LIPH: variants seen among roughly 807,000 people sequenced by gnomAD.
The protein encoded by LIPH is lipase member H.
Under a neutral mutation model 47.6 loss-of-function variants are expected in LIPH, and 32 were observed. The ratio of observed to expected loss-of-function variants is 0.67; its 90% CI spans 0.51 to 0.90. LIPH has a LOEUF of 0.90. Ranked by LOEUF, LIPH falls within the 40% of genes least tolerant of loss-of-function variation. The pLI is 0.00. For missense variants in LIPH, 497 were observed against 541.4 expected (o/e 0.92, Z 0.81); for synonymous variants, 190 against 195.6 (o/e 0.97, Z 0.24).
intron 8 of LIPH, among the ~76,000 whole-genome samples, chr3:185,513,752 G>A (rs926726224): frequency 7.2e-5 from 11 of 152,064 alleles, no homozygotes; most frequent in Admixed American, 5.9e-4. Context: ...TAAAAATGAA[G>A]GAAATCAGCC....
At chr3:185,532,457 G>A (rs1720361572) in intron 3 of LIPH, among the ~76,000 whole-genome samples, 1 of 151,536 alleles carries the variant, frequency 6.6e-6, no homozygotes. Flanking sequence ...AGGCTGCAGT[G>A]AGCTGCATGC....
chr3:185,517,472 A>G (rs1719766215), intron 6 of LIPH, among the ~76,000 whole-genome samples: 1 of 152,216 alleles, frequency 6.6e-6, no homozygotes, highest in South Asian at 2.1e-4. Flanking sequence ...ATTTTTCAGT[A>G]ATACATTCAT....
At chr3:185,541,080 T>C (rs1720694797) in intron 1 of LIPH, among the ~76,000 whole-genome samples, 1 of 152,244 alleles carries the variant, frequency 6.6e-6, no homozygotes, top group South Asian at 2.1e-4. Context: ...CCCCACTAAC[T>C]GGACTTCTAC....
intron 1 of LIPH, chr3:185,546,984 G>T: frequency 2.3e-6 from 1 of 437,728 alleles, no homozygotes; most frequent in South Asian, 1.7e-5. Context: ...TGTGAAAAAA[G>T]AAGACAGAAT....
chr3:185,526,617 TA>T (rs202122998), intron 4 of LIPH, among the ~76,000 whole-genome samples: 1 of 35,866 alleles, frequency 2.8e-5, no homozygotes, highest in East Asian at 1.3e-3. Flanking sequence ...AAAAATAAAA[TA>T]ATAAAATAAA....
intron 1 of LIPH, among the ~76,000 whole-genome samples, chr3:185,546,234 C>A (rs1004241902): frequency 6.6e-6 from 1 of 151,898 alleles, no homozygotes; most frequent in African/African-American, 2.4e-5. Flanking sequence ...CACCTGTAAT[C>A]CCAGCTACTC....
At chr3:185,517,243 G>A (rs747750652) in intron 6 of LIPH, 81 bp from the exon 7 acceptor site, 1 of 806,922 alleles carries the variant, frequency 1.2e-6, no homozygotes. Flanking sequence ...AGAACATTGA[G>A]TTTGACTGTA....
At chr3:185,542,947 C>T (rs1720758166) in intron 1 of LIPH, among the ~76,000 whole-genome samples, 1 of 152,098 alleles carries the variant, frequency 6.6e-6, no homozygotes. Flanking sequence ...GTGTCTCACG[C>T]CTGTAATACC....
chr3:185,507,542 G>T lies in LIPH; in HGVS notation c.*1248C>A, dbSNP rs762624733. The T allele has an allele frequency of 6.6e-6, 1 of 152,194 alleles. No homozygotes were observed. Among genetic ancestry groups the T allele is most frequent in the Non-Finnish European group, 1.5e-5 (1 of 68,068 alleles). The allele number at this position is 152,194 out of a possible 1,614,324, so 9.4% of individuals were successfully genotyped here. A position where few individuals can be genotyped will look rare whatever the true frequency, so the allele number is the denominator to read the frequency against. ...ATGCCTCCCCTCACACTGGGCATCT[G>T]GCCCCAGGGATTGTCCTCCCTTCTT... On this transcript the variant is annotated 3_prime_UTR_variant, in exon 10 of 10. Coordinates refer to ENST00000296252, the MANE Select transcript of LIPH (RefSeq NM_139248.3).
At chr3:185,545,609 A>C (rs921420946) in intron 1 of LIPH, among the ~76,000 whole-genome samples, 1 of 152,238 alleles carries the variant, frequency 6.6e-6, no homozygotes, top group Non-Finnish European at 1.5e-5. Flanking sequence ...ATACAGGCCA[A>C]GTGCGGGTGG....
At chr3:185,537,657 C>A (rs1265504863) in intron 1 of LIPH, among the ~76,000 whole-genome samples, 1 of 152,172 alleles carries the variant, frequency 6.6e-6, no homozygotes, top group Non-Finnish European at 1.5e-5. Flanking sequence ...GGTTGTGCAA[C>A]TGACTCCCCA....
rs757899057 is a variant in LIPH, at chr3:185,520,471, C to T, written c.719-1162G>A. Among the ~76,000 whole-genome samples the T allele has an allele frequency of 2.8e-4, 42 of 150,968 alleles. 1 individual carries two copies. Among genetic ancestry groups the T allele is most frequent in the Non-Finnish European group, 5.8e-4 (39 of 67,706 alleles). ...GGCGGAGGTTGCAGTGAGCCGAGAT[C>T]GAGCCACTGCACTCCAGCCTGGGCG... On this transcript the variant is annotated intron_variant, in intron 5 of 9. Transcript: ENST00000296252.
intron 1 of LIPH, among the ~76,000 whole-genome samples, chr3:185,550,868 A>G (rs948204930): frequency 2.6e-5 from 4 of 151,970 alleles, no homozygotes; most frequent in Non-Finnish European, 5.9e-5. Context: ...GCGCCTGACC[A>G]TTTATCTTAA....
intron 7 of LIPH, among the ~76,000 whole-genome samples, chr3:185,516,651 G>T (rs1270200447): frequency 6.6e-6 from 1 of 152,080 alleles, no homozygotes; most frequent in Non-Finnish European, 1.5e-5. Flanking sequence ...CTGTAGATAT[G>T]GCTGACACCT....
chr3:185,548,788 A>C (rs554621275), intron 1 of LIPH, among the ~76,000 whole-genome samples: 9 of 152,192 alleles, frequency 5.9e-5, no homozygotes, highest in African/African-American at 2.2e-4. Context: ...AACAAACCGC[A>C]TCCTGAGCCA....
intron 4 of LIPH, 96 bp from the exon 5 acceptor site, chr3:185,524,256 T>C (rs1162834308): frequency 1.3e-6 from 1 of 761,306 alleles, no homozygotes; most frequent in Non-Finnish European, 2.3e-6. Context: ...TGTATTATTA[T>C]TGTTGTTTAT....
chr3:185,548,548 T>G (rs35059597), intron 1 of LIPH, among the ~76,000 whole-genome samples: 1 of 145,708 alleles, frequency 6.9e-6, no homozygotes, highest in African/African-American at 2.6e-5. Flanking sequence ...GCCAATATGG[T>G]GAAACCCCAT....
intron 1 of LIPH, among the ~76,000 whole-genome samples, chr3:185,540,073 T>C (rs1207721746): frequency 6.6e-6 from 1 of 152,172 alleles, no homozygotes; most frequent in Non-Finnish European, 1.5e-5. Flanking sequence ...AACTTTTCCT[T>C]TCTCCTCTGC....
intron 2 of LIPH, among the ~76,000 whole-genome samples, chr3:185,533,989 C>T (rs1211502568): frequency 6.6e-6 from 1 of 152,138 alleles, no homozygotes; most frequent in Non-Finnish European, 1.5e-5. Flanking sequence ...CGTGGGAGGC[C>T]GAGGCGGGCA....
Sources: gnomAD v4.1 joint callset for allele counts (sites outside exome capture counted in the v4.1 genomes callset) on GRCh38, gnomAD v4.1.1 for gene constraint, MANE v1.5 for transcripts, NCBI Gene and HGNC (gene_info 2026-07-23, HGNC 2026-07-21) for gene names.